SDK2: variants seen among roughly 807,000 people sequenced by gnomAD.
SDK2 encodes the protein sidekick cell adhesion molecule 2, also known as protein sidekick-2.
A neutral mutation model predicts 253.9 loss-of-function variants in SDK2; 105 were observed. That is an observed-to-expected ratio of 0.41 (90% CI 0.35 to 0.49). The LOEUF (loss-of-function observed/expected upper bound fraction) is 0.49. Among genes scored for constraint, SDK2 ranks in the 20% least tolerant of loss-of-function variants. The pLI is 0.06. For missense variants in SDK2, 2,608 were observed against 3,003.0 expected (o/e 0.87, Z 3.07); for synonymous variants, 1,249 against 1,234.9 (o/e 1.01, Z -0.24).
intron 12 of SDK2, among the ~76,000 whole-genome samples, chr17:73,424,300 A>G (rs766652568): frequency 2.0e-5 from 3 of 152,170 alleles, no homozygotes; most frequent in Non-Finnish European, 4.4e-5. Context: ...GGGAGGGTGC[A>G]GGAGAGTGGG....
At chr17:73,561,954 C>G (rs895194447) in intron 1 of SDK2, among the ~76,000 whole-genome samples, 1 of 152,030 alleles carries the variant, frequency 6.6e-6, no homozygotes, top group East Asian at 1.9e-4. Context: ...GGTGAAACTC[C>G]GTCTCTACTA....
rs574188368 is a variant in SDK2 at position 73,449,776 on chromosome 17, C to T, written c.480-2028G>A. Reference sequence around the variant, plus strand: ...TCTCTACTAAAAATACAAAATTAGCCGGGTGTGGTGGTGGTGCATGCCTGT... The same window carrying T: ...TCTCTACTAAAAATACAAAATTAGCTGGGTGTGGTGGTGGTGCATGCCTGT... On this transcript the variant is annotated intron_variant, in intron 4 of 44. Transcript: ENST00000392650. 1.1e-4 allele frequency among the ~76,000 whole-genome samples: 16 copies of T among 151,798 alleles called. No individual in the cohort carries two copies. The East Asian group carries it at 2.3e-3, about 22-fold the overall frequency.
At chr17:73,404,599 A>G (rs2063055654) in intron 18 of SDK2, among the ~76,000 whole-genome samples, 1 of 152,228 alleles carries the variant, frequency 6.6e-6, no homozygotes, top group Non-Finnish European at 1.5e-5. Context: ...GAGCTGGCTC[A>G]GTTTGTGGAC....
chr17:73,390,534 G>C, intron 28 of SDK2, 53 bp from the exon 29 acceptor site: 1 of 1,536,794 alleles, frequency 6.5e-7, no homozygotes, highest in Non-Finnish European at 8.8e-7. Flanking sequence ...GCCGCTCCTA[G>C]GGCCCCGGGA....
intron 10 of SDK2, among the ~76,000 whole-genome samples, chr17:73,432,873 T>C (rs1291288268): frequency 1.3e-5 from 2 of 150,130 alleles, no homozygotes; most frequent in Non-Finnish European, 3.0e-5. Flanking sequence ...TGTGTGTGCA[T>C]ATGTGTGTGT....
intron 2 of SDK2, among the ~76,000 whole-genome samples, chr17:73,488,624 C>G (rs79689381): frequency 0.03 from 4,582 of 151,514 alleles, 212 homozygotes; most frequent in African/African-American, 0.11. Context: ...TTCCGACAAC[C>G]TTCCTTCTAC....
chr17:73,604,657 T>C (rs938558181), intron 1 of SDK2, among the ~76,000 whole-genome samples: 4 of 151,710 alleles, frequency 2.6e-5, no homozygotes, highest in Admixed American at 6.6e-5. Flanking sequence ...CTGAGGGGTG[T>C]GGAGAGAGAA....
intron 1 of SDK2, among the ~76,000 whole-genome samples, chr17:73,626,340 C>T (rs1442958616): frequency 2.0e-5 from 3 of 152,174 alleles, no homozygotes; most frequent in Non-Finnish European, 2.9e-5. Context: ...CCTGGCCTCT[C>T]CAAGGAAACC....
At chr17:73,345,654 C>T (rs2062476774) in intron 44 of SDK2, among the ~76,000 whole-genome samples, 1 of 152,120 alleles carries the variant, frequency 6.6e-6, no homozygotes, top group African/African-American at 2.4e-5. Context: ...CTTACCTGTG[C>T]TGGTATGCAG....
intron 2 of SDK2, among the ~76,000 whole-genome samples, chr17:73,487,912 C>T (rs1599613055): frequency 6.6e-6 from 1 of 152,220 alleles, no homozygotes; most frequent in East Asian, 1.9e-4. Flanking sequence ...CAACCCTTTA[C>T]TCTGGTCCCA....
intron 2 of SDK2, among the ~76,000 whole-genome samples, chr17:73,495,081 A>G (rs894041163): frequency 6.6e-6 from 1 of 152,232 alleles, no homozygotes; most frequent in Non-Finnish European, 1.5e-5. Flanking sequence ...CCTGTACAGC[A>G]GGAAGCGCCT....
At chr17:73,437,697 A>T (rs1236505019) in intron 8 of SDK2, 42 bp downstream of exon 8, 2 of 1,488,634 alleles carry the variant, frequency 1.3e-6, no homozygotes, top group Non-Finnish European at 1.9e-6. Flanking sequence ...GAGGCTGAAG[A>T]TCTGGGGTCT....
chr17:73,464,043 G>A lies in SDK2; in HGVS notation c.332-7990C>T, dbSNP rs554464120. Among the ~76,000 whole-genome samples the A allele has an allele frequency of 1.4e-4, 21 of 152,274 alleles. No individual in the cohort carries two copies. The South Asian group carries it at 3.1e-3, about 23-fold the overall frequency. Reference sequence around the variant, plus strand: ...TGGTCTCTGCCAACCTGGTGGGCACGGAATGGTACTTTGTTGTGGTTTTAT... The same window carrying A: ...TGGTCTCTGCCAACCTGGTGGGCACAGAATGGTACTTTGTTGTGGTTTTAT... On this transcript the variant is annotated intron_variant, in intron 3 of 44. Coordinates refer to ENST00000392650, the MANE Select transcript of SDK2 (RefSeq NM_001144952.2).
At chr17:73,498,341 C>T (rs1019797994) in intron 2 of SDK2, among the ~76,000 whole-genome samples, 2 of 152,252 alleles carry the variant, frequency 1.3e-5, no homozygotes, top group African/African-American at 4.8e-5. Context: ...CCCACGCTCA[C>T]TTGGCCTCAG....
At chr17:73,422,501 C>T (rs1012813964) in intron 14 of SDK2, 67 bp from the exon 15 acceptor site, 10 of 1,552,562 alleles carry the variant, frequency 6.4e-6, no homozygotes, top group Non-Finnish European at 8.9e-6. Flanking sequence ...TCTTACTCCC[C>T]ACTCCCAGCA....
intron 3 of SDK2, among the ~76,000 whole-genome samples, chr17:73,466,158 A>C (rs950120901): frequency 1.3e-5 from 2 of 152,176 alleles, no homozygotes; most frequent in Non-Finnish European, 2.9e-5. Flanking sequence ...GGTTTGCCTC[A>C]GCCTAGTCCA....
intron 1 of SDK2, among the ~76,000 whole-genome samples, chr17:73,539,638 A>G (rs11655380): frequency 0.59 from 89,165 of 152,028 alleles, 26,332 homozygotes; most frequent in East Asian, 0.65. Context: ...GTTATGGGTA[A>G]AATTGAGTCC....
rs758708768 is a variant in SDK2 at position 73,435,561 on chromosome 17, C to T, written c.1084G>A (p.Asp362Asn). The part of the protein sequence containing the change: ...EKLTRFRQRN[D>N]GGLQISGLVP... Reference sequence around the variant, plus strand: ...AGGCCGCTGATCTGCAGGCCCCCGTCGTTGCGCTGCCGGAAGCGGGTCAAC... The same window carrying T: ...AGGCCGCTGATCTGCAGGCCCCCGTTGTTGCGCTGCCGGAAGCGGGTCAAC... Residue 362 changes from aspartate (D) to asparagine (N), a missense_variant, in exon 9 of 45, where the codon GAC (aspartate) becomes AAC (asparagine). Around this residue, in one of 2 missense-constraint regions of SDK2, gnomAD observed 1,505 missense variants for 1,859.1 expected, o/e 0.81. Coordinates refer to ENST00000392650, the MANE Select transcript of SDK2 (RefSeq NM_001144952.2). This position sits in a 1 kb window ranked among gnomAD's most constrained non-coding sequence, Gnocchi z 5.7. 27 of 1,589,004 alleles carry T rather than the reference C, an allele frequency of 1.7e-5. No homozygotes were observed. Among genetic ancestry groups the T allele is most frequent in the African/African-American group, 2.7e-5 (2 of 74,296 alleles).
intron 1 of SDK2, among the ~76,000 whole-genome samples, chr17:73,521,859 A>C (rs1215790175): frequency 6.6e-6 from 1 of 152,140 alleles, no homozygotes; most frequent in Non-Finnish European, 1.5e-5. Context: ...ATGCCATAGA[A>C]CTGGAGAAAA....
Sources: allele counts gnomAD v4.1 joint callset (sites outside exome capture counted in the v4.1 genomes callset), GRCh38; gene constraint gnomAD v4.1.1; regional missense constraint gnomAD v4.1.1; non-coding constraint Gnocchi (gnomAD v3.1); transcripts MANE v1.5; gene names NCBI Gene and HGNC (gene_info 2026-07-23, HGNC 2026-07-21).